Variants in RBKS observed in about 807,000 individuals in gnomAD.
The protein encoded by RBKS is ribokinase.
In RBKS, 33 loss-of-function variants were observed where a neutral mutation model predicts 33.9. That is an observed-to-expected ratio of 0.97 (90% CI 0.74 to 1.30). The LOEUF (loss-of-function observed/expected upper bound fraction) is 1.30, where lower values mean the gene tolerates loss of function less well. Among genes scored for constraint, RBKS ranks in the 50% most tolerant of loss-of-function variants. RBKS has a pLI of 0.00. For synonymous variants in RBKS, 125 were observed against 143.0 expected, an observed-to-expected ratio of 0.87 and a Z score of 0.90; for missense variants, 361 against 392.6, an observed-to-expected ratio of 0.92 and a Z score of 0.68.
At chr2:27,856,839 C>T (rs192870076) in intron 2 of RBKS, among the ~76,000 whole-genome samples, 6 of 152,286 alleles carry the variant, frequency 3.9e-5, no homozygotes, top group East Asian at 1.9e-4. Flanking sequence ...ACTCTCCAAA[C>T]GCTCCATAGC....
intron 1 of RBKS, chr2:27,861,532 G>A (rs1186935488): frequency 2.1e-6 from 1 of 471,068 alleles, no homozygotes; most frequent in Non-Finnish European, 4.4e-6. Context: ...TCATCACTGT[G>A]TCCTGATGTA....
intron 1 of RBKS, among the ~76,000 whole-genome samples, chr2:27,879,138 G>A (rs1664372114): frequency 6.6e-6 from 1 of 151,886 alleles, no homozygotes; most frequent in African/African-American, 2.4e-5. Context: ...TTTTTTCTGG[G>A]TTACCACCTG....
Position 27,843,114 on chromosome 2 carries a change from G to A in RBKS, c.467C>T (p.Thr156Ile), listed in dbSNP as rs537011497. ...TAGGGCTTCCAAAGAAGTTGCTGGA[G>A]TTATTTCGAGCTGGCAGACCATGAC... ...AKVMVCQLEI[T>I]PATSLEALTM... The change falls in exon 5 of 8, where the codon ACT becomes ATT. Residue 156 changes from threonine (T) to isoleucine (I), a missense_variant. Physicochemically the swap from Thr to Ile is moderately conservative, Grantham distance 89 (BLOSUM62 -1). Coordinates refer to ENST00000302188, the MANE Select transcript of RBKS (RefSeq NM_022128.3). The A allele has an allele frequency of 1.2e-6, 2 of 1,610,930 alleles. No homozygotes were observed. The highest frequency in any genetic ancestry group is 2.2e-5 in the East Asian group (1 of 44,724).
At chr2:27,808,116 T>C (rs1048051974) in intron 7 of RBKS, among the ~76,000 whole-genome samples, 3 of 152,226 alleles carry the variant, frequency 2.0e-5, no homozygotes, top group Admixed American at 2.0e-4. Flanking sequence ...TTCATTAAGA[T>C]AGGTGAGAAC....
chr2:27,823,362 C>T (rs149756264), intron 7 of RBKS, among the ~76,000 whole-genome samples: 92 of 152,314 alleles, frequency 6.0e-4, no homozygotes, highest in Admixed American at 1.1e-3. Context: ...TGACGTAGAA[C>T]GGGAAATGGC....
At chr2:27,841,694 G>A (rs1663514562) in intron 5 of RBKS, among the ~76,000 whole-genome samples, 1 of 149,470 alleles carries the variant, frequency 6.7e-6, no homozygotes, top group African/African-American at 2.5e-5. Context: ...TTTCTATGTA[G>A]AACACTACAC....
intron 1 of RBKS, among the ~76,000 whole-genome samples, chr2:27,880,670 C>T (rs1200772996): frequency 6.6e-6 from 1 of 152,104 alleles, no homozygotes; most frequent in Admixed American, 6.6e-5. Flanking sequence ...ACAATTACCA[C>T]ATACACAAAA....
At chr2:27,830,059 C>T (rs1203714191) in intron 6 of RBKS, among the ~76,000 whole-genome samples, 4 of 152,172 alleles carry the variant, frequency 2.6e-5, no homozygotes, top group Non-Finnish European at 5.9e-5. Context: ...GGCTAGTGTA[C>T]AGCCAGCATA....
At chr2:27,876,302 AAAGG>A (rs1664314677) in intron 1 of RBKS, among the ~76,000 whole-genome samples, 1 of 152,212 alleles carries the variant, frequency 6.6e-6, no homozygotes, top group South Asian at 2.1e-4. Context: ...TTCAGCCTTA[AAAGG>A]AAGAAAATTC....
chr2:27,883,374 C>T (rs1664459894), intron 1 of RBKS, among the ~76,000 whole-genome samples: 1 of 152,028 alleles, frequency 6.6e-6, no homozygotes, highest in Admixed American at 6.6e-5. Flanking sequence ...TAGTTGTTTG[C>T]ATTTTTAGTA....
At chr2:27,832,647 T>C (rs1206225927) in intron 6 of RBKS, 39 bp downstream of exon 6, 4 of 1,338,842 alleles carry the variant, frequency 3.0e-6, no homozygotes, top group African/African-American at 2.9e-5. Flanking sequence ...GTACAAACTT[T>C]TGGTTTCTCA....
intron 7 of RBKS, among the ~76,000 whole-genome samples, chr2:27,822,104 C>A (rs148150524): frequency 6.6e-6 from 1 of 152,210 alleles, no homozygotes; most frequent in African/African-American, 2.4e-5. Flanking sequence ...GAAGAAGAGT[C>A]TGCTGGGGAA....
Position 27,880,714 on chromosome 2 carries a change from T to C in RBKS, c.89+9543A>G, listed in dbSNP as rs886190442. On this transcript the variant is annotated intron_variant, in intron 1 of 7. Coordinates refer to ENST00000302188, the MANE Select transcript of RBKS (RefSeq NM_022128.3). ...CTAGAAATACAGCTATCCAGGGAGA[T>C]GAAAAATCTCTACAATGAAAACTAC... Among the ~76,000 whole-genome samples the C allele has an allele frequency of 1.1e-3, 166 of 151,972 alleles. 1 individual carries two copies. Among genetic ancestry groups the C allele is most frequent in the African/African-American group, 3.6e-3 (148 of 41,364 alleles).
chr2:27,854,626 C>T (rs1663817280), intron 2 of RBKS, among the ~76,000 whole-genome samples: 1 of 152,150 alleles, frequency 6.6e-6, no homozygotes, highest in Non-Finnish European at 1.5e-5. Context: ...GAATAACCTG[C>T]CTCTTAATTA....
chr2:27,823,452 T>C (rs1422683062), intron 7 of RBKS, among the ~76,000 whole-genome samples: 7 of 152,080 alleles, frequency 4.6e-5, no homozygotes. Flanking sequence ...ATCCCTGACT[T>C]TTTAATAAGG....
chr2:27,791,399 C>T (rs550695998), intron 7 of RBKS, among the ~76,000 whole-genome samples: 4 of 152,146 alleles, frequency 2.6e-5, no homozygotes, highest in African/African-American at 9.6e-5. Flanking sequence ...CTGTTGAGGG[C>T]GTGGATGGAA....
intron 7 of RBKS, among the ~76,000 whole-genome samples, chr2:27,803,486 C>T (rs1677837327): frequency 1.3e-5 from 2 of 150,396 alleles, no homozygotes; most frequent in Non-Finnish European, 3.0e-5. Flanking sequence ...TCAGTTGAGG[C>T]CAAGACAAGC....
intron 7 of RBKS, among the ~76,000 whole-genome samples, chr2:27,801,963 AATATATATATAT>A (rs869036134): frequency 2.5e-4 from 12 of 47,616 alleles, no homozygotes; most frequent in African/African-American, 5.7e-4. Context: ...AAAAAAAAAA[AATATATATATAT>A]ATATATATAT....
chr2:27,883,721 T>G (rs1664467436), intron 1 of RBKS, among the ~76,000 whole-genome samples: 1 of 151,376 alleles, frequency 6.6e-6, no homozygotes, highest in Non-Finnish European at 1.5e-5. Flanking sequence ...CTTTGTCATA[T>G]GCAATTTTTT....
Sources: allele counts gnomAD v4.1 joint callset (sites outside exome capture counted in the v4.1 genomes callset), GRCh38; gene constraint gnomAD v4.1.1; transcripts MANE v1.5; gene names NCBI Gene and HGNC (gene_info 2026-07-23, HGNC 2026-07-21).